Variants in TCHP observed in about 807,000 individuals in gnomAD.
The protein encoded by TCHP is trichoplein keratin filament-binding protein.
TCHP carries 81 observed loss-of-function variants against 88.7 expected under a neutral mutation model. The observed-to-expected ratio is 0.91, with a 90% confidence interval of 0.76 to 1.10. The LOEUF is 1.10. TCHP is among the 50% of genes least tolerant of loss of function. TCHP has a pLI of 0.00. For synonymous variants in TCHP, 232 were observed against 232.5 expected, an observed-to-expected ratio of 1.00 and a Z score of 0.02; for missense variants, 641 against 632.1, an observed-to-expected ratio of 1.01 and a Z score of -0.15.
At chr12:109,884,408 TG>T in the TCHP span, among the ~76,000 whole-genome samples, 1 of 152,140 alleles carries the variant, frequency 6.6e-6, no homozygotes, top group Non-Finnish European at 1.5e-5. Context: ...CAGGGTGGTC[TG>T]GATCTCCTGA....
the TCHP span, among the ~76,000 whole-genome samples, chr12:109,894,303 C>CA: frequency 6.7e-6 from 1 of 148,528 alleles, no homozygotes; most frequent in African/African-American, 2.5e-5. Flanking sequence ...CTAAAAAATA[C>CA]AAAAAAATTA....
chr12:109,914,915 AG>A, intron 11 of TCHP: 1 of 420,852 alleles, frequency 2.4e-6, no homozygotes, highest in Non-Finnish European at 4.4e-6. Flanking sequence ...TCTTCATTTC[AG>A]TCCCTGATAC....
chr12:109,894,184 TAAA>T, the TCHP span, among the ~76,000 whole-genome samples: 5 of 135,030 alleles, frequency 3.7e-5, no homozygotes, highest in South Asian at 7.0e-4. Flanking sequence ...GACTCAGTCT[TAAA>T]AAAAAAAAAA....
Position 109,915,254 on chromosome 12 carries a change from G to T in TCHP, c.1321-149G>T, listed in dbSNP as rs182594014. 1.2e-4 allele frequency: 126 copies of T among 1,044,142 alleles called. No individual in the cohort carries two copies. The Admixed American group carries it at 2.3e-3, about 19-fold the overall frequency. 64.7% of individuals were successfully genotyped at this position (1,044,142 alleles called of 1,614,324 possible). On this transcript the variant is annotated intron_variant, in intron 11 of 12. Transcript: ENST00000405876. ...GCATACAGCCTTTCAAGTCCCGCATGCTCCCTTCCGTTCCTTGGCACGTGC... is the reference window on the plus strand; with the variant it reads ...GCATACAGCCTTTCAAGTCCCGCATTCTCCCTTCCGTTCCTTGGCACGTGC...
At chr12:109,915,997 C>T (rs1184292193) in intron 12 of TCHP, among the ~76,000 whole-genome samples, 1 of 152,210 alleles carries the variant, frequency 6.6e-6, no homozygotes, top group African/African-American at 2.4e-5. Context: ...ATCTGTTTCT[C>T]TGCCTCTCAG....
At chr12:109,899,814 T>C (rs1869675428), upstream of TCHP, among the ~76,000 whole-genome samples, 1 of 152,090 alleles carries the variant, frequency 6.6e-6, no homozygotes, top group Non-Finnish European at 1.5e-5. Flanking sequence ...TCTTCTTTTT[T>C]TTGAGACAGT....
chr12:109,884,795 G>A, the TCHP span, among the ~76,000 whole-genome samples: 1 of 152,140 alleles, frequency 6.6e-6, no homozygotes, highest in Admixed American at 6.5e-5. Flanking sequence ...ATAAGTTGCT[G>A]AAACAATGCC....
the TCHP span, among the ~76,000 whole-genome samples, chr12:109,884,379 A>G: frequency 6.6e-6 from 1 of 151,974 alleles, no homozygotes; most frequent in African/African-American, 2.4e-5. Flanking sequence ...TAGTAGAGAC[A>G]GGATTTCACC....
chr12:109,889,449 CAG>C, the TCHP span, among the ~76,000 whole-genome samples: 93 of 151,740 alleles, frequency 6.1e-4, no homozygotes, highest in African/African-American at 1.9e-3. Context: ...GCCTGGGTGA[CAG>C]AGAGAGACTC....
At chr12:109,891,013 CG>C in the TCHP span, among the ~76,000 whole-genome samples, 2 of 152,202 alleles carry the variant, frequency 1.3e-5, no homozygotes, top group East Asian at 3.9e-4. Context: ...TGGCAGCTAA[CG>C]AGTCCGGGTA....
intron 11 of TCHP, 140 bp downstream of exon 11, chr12:109,914,767 T>A: frequency 1.5e-6 from 1 of 651,262 alleles, no homozygotes; most frequent in Admixed American, 2.9e-5. Context: ...CCATCCCAGC[T>A]GCAGTCCTCA....
Position 109,914,543 on chromosome 12 carries a change from T to C in TCHP, c.1236T>C (p.Leu412=). Residue 412 remains leucine, a synonymous_variant, in exon 11 of 13, where the codon CTT becomes CTC. Transcript: ENST00000405876. ...ACAGGGAGCAACTTATTCGAAATCT[T>C]GAGGAGGTGAGAGAGTTGGCTCGTC... is the stretch of plus-strand genomic sequence containing the variant. The part of the protein sequence containing the change: ...LKHREQLIRN[L]EEVRELARRE... 6.2e-7 allele frequency: 1 copy of C among 1,613,996 alleles called. No homozygotes were observed. The highest frequency in any genetic ancestry group is 8.5e-7 in the Non-Finnish European group (1 of 1,179,998).
At chr12:109,907,302 A>C (rs915272334) in intron 5 of TCHP, among the ~76,000 whole-genome samples, 2 of 152,186 alleles carry the variant, frequency 1.3e-5, no homozygotes, top group African/African-American at 4.8e-5. Flanking sequence ...ACCTCTGTGC[A>C]CTGGTCGCTT....
chr12:109,906,578 C>G lies in TCHP; in HGVS notation c.463C>G (p.Leu155Val). 6.2e-7 allele frequency: 1 copy of G among 1,612,936 alleles called. No homozygotes were observed. The highest frequency in any genetic ancestry group is 8.5e-7 in the Non-Finnish European group (1 of 1,179,820). ...KNNPKLREME[L>V]DLHQKHVVNS... ...GTCCCCCTTCCATCCTCAGATGGAG[C>G]TGGACCTTCACCAGAAGCATGTCGT... is the stretch of plus-strand genomic sequence containing the variant. Residue 155 changes from leucine to valine, a missense_variant, in exon 5 of 13, where the codon CTG (leucine) becomes GTG (valine). Coordinates refer to ENST00000405876, the MANE Select transcript of TCHP (RefSeq NM_001143852.2).
Position 109,905,698 on chromosome 12 carries a change from C to T in TCHP, c.457-874C>T, listed in dbSNP as rs572042068. On this transcript the variant is annotated intron_variant, in intron 4 of 12. Coordinates refer to ENST00000405876, the MANE Select transcript of TCHP (RefSeq NM_001143852.2). This position sits in a 1 kb window ranked among gnomAD's most constrained non-coding sequence, Gnocchi z 4.0. ...GTAGTTACATTTAGAAATCGCCAGG[C>T]ACTAAATAATGGAACATCTGGTGCT... Among the ~76,000 whole-genome samples, 3 of 152,288 alleles carry T rather than the reference C, an allele frequency of 2.0e-5. No homozygotes were observed. The South Asian group carries it at 6.2e-4, about 32-fold the overall frequency.
At position 109,905,863 on chromosome 12, in the gene TCHP, A is replaced by G. The variant is rs1346358551; in HGVS notation, c.457-709A>G. Among the ~76,000 whole-genome samples the G allele has an allele frequency of 6.6e-6, 1 of 152,184 alleles. No individual in the cohort carries two copies. The highest frequency in any genetic ancestry group is 2.4e-5 in the African/African-American group (1 of 41,442). ...TATGTTCACAGCTGTAAGTTGGGAA[A>G]GATTATTTTAAAACTTTTTTATAGA... On this transcript the variant is annotated intron_variant, in intron 4 of 12. Transcript: ENST00000405876. This position sits in a 1 kb window ranked among gnomAD's most constrained non-coding sequence, Gnocchi z 4.0.
At chr12:109,898,130 T>G (rs112260975), upstream of TCHP, among the ~76,000 whole-genome samples, 1,059 of 152,292 alleles carry the variant, frequency 7.0e-3, 10 homozygotes, top group African/African-American at 0.024. Context: ...TGGGCTCACC[T>G]GGGATGCACT....
rs1592906149 is a variant in TCHP, at chr12:109,903,885, C to T, written c.189-52C>T. On this transcript the variant is annotated intron_variant, in intron 2 of 12. Coordinates refer to ENST00000405876, the MANE Select transcript of TCHP (RefSeq NM_001143852.2). This position sits in a 1 kb window ranked among gnomAD's most constrained non-coding sequence, Gnocchi z 4.6. ...TTTACCGACACAGCAGAGCAGAGCA[C>T]GTTCCCTGTGGCTGTAGCATGATTG... 1.6e-5 allele frequency: 23 copies of T among 1,457,454 alleles called. No homozygotes were observed. In the South Asian group the frequency reaches 2.1e-4, roughly 13 times the overall value. 90.3% of individuals were successfully genotyped at this position (1,457,454 alleles called of 1,614,324 possible). A position where few individuals can be genotyped will look rare whatever the true frequency, so the allele number is the denominator to read the frequency against.
chr12:109,908,954 A>G lies in TCHP; in HGVS notation c.879+17A>G. 2 of 1,613,742 alleles carry G rather than the reference A, an allele frequency of 1.2e-6. No individual in the cohort carries two copies. The highest frequency in any genetic ancestry group is 8.5e-7 in the Non-Finnish European group (1 of 1,179,638). On this transcript the variant is annotated intron_variant, in intron 8 of 12. Transcript: ENST00000405876. Reference sequence around the variant, plus strand: ...GAGGAGCTGGTAAGTCTGAAGAGACAGCCTGACATCTTTCTTAGCCTCTTT... The same window carrying G: ...GAGGAGCTGGTAAGTCTGAAGAGACGGCCTGACATCTTTCTTAGCCTCTTT...
Sources: gnomAD v4.1 joint callset for allele counts (sites outside exome capture counted in the v4.1 genomes callset) on GRCh38, gnomAD v4.1.1 for gene constraint, Gnocchi (gnomAD v3.1) non-coding constraint, MANE v1.5 for transcripts, NCBI Gene and HGNC (gene_info 2026-07-23, HGNC 2026-07-21) for gene names.